Variants in ABL2 observed in about 807,000 individuals in gnomAD.
ABL2 encodes the protein ABL proto-oncogene 2, non-receptor tyrosine kinase.
Under a neutral mutation model 107.7 loss-of-function variants are expected in ABL2, and 49 were observed. That is an observed-to-expected ratio of 0.45 (90% confidence interval 0.36 to 0.58). ABL2 has a LOEUF of 0.58. Ranked by LOEUF, ABL2 falls within the 20% of genes least tolerant of loss-of-function variation. ABL2 has a pLI of 0.00. For missense variants in ABL2, 1,245 were observed against 1,457.0 expected, an observed-to-expected ratio of 0.85 and a Z score of 2.37; for synonymous variants, 549 against 548.6, an observed-to-expected ratio of 1.00 and a Z score of -0.01.
At chr1:179,140,279 G>T (rs1258614461) in intron 1 of ABL2, among the ~76,000 whole-genome samples, 2 of 152,012 alleles carry the variant, frequency 1.3e-5, no homozygotes, top group African/African-American at 2.4e-5. Flanking sequence ...GGACCTTTGC[G>T]CTGGCTTTTC....
At chr1:179,200,164 A>C (rs777820638) in intron 1 of ABL2, among the ~76,000 whole-genome samples, 9 of 150,116 alleles carry the variant, frequency 6.0e-5, no homozygotes, top group Non-Finnish European at 1.2e-4. Flanking sequence ...CTCGTGCTTC[A>C]GCCTCCTGAG....
chr1:179,184,383 A>G, intron 1 of ABL2: 1 of 852,416 alleles, frequency 1.2e-6, no homozygotes, highest in Non-Finnish European at 1.8e-6. Flanking sequence ...GAAACATTCA[A>G]GTCAAACACA....
At position 179,126,696 on chromosome 1, in the gene ABL2, T is replaced by A; in HGVS notation, c.392-24A>T. 6.3e-7 allele frequency: 1 copy of A among 1,588,454 alleles called. No homozygotes were observed. Among genetic ancestry groups the A allele is most frequent in the Non-Finnish European group, 8.6e-7 (1 of 1,161,840 alleles). On this transcript the variant is annotated intron_variant, in intron 3 of 11. Transcript: ENST00000502732. The surrounding 1 kb of genome is among the most constrained non-coding windows in gnomAD (Gnocchi z 4.4). The stretch of plus-strand genomic sequence containing the variant: ...ACCTAGCCATAAGGTCATCACAGGA[T>A]GAAAGAAACGATGTTAAGACTTTAT...
chr1:179,222,494 G>A lies in ABL2; in HGVS notation c.157+6747C>T, dbSNP rs150924881. Among the ~76,000 whole-genome samples, 1,200 of 152,146 alleles carry A rather than the reference G, an allele frequency of 7.9e-3. 13 individuals are homozygous for A. Among genetic ancestry groups the A allele is most frequent in the African/African-American group, 0.028 (1,145 of 41,492 alleles). ...CAACCTCTGCCTCCCAGGATCAAGCGATTCTCCTGCCTCAGCCTCTTGAGT... is the reference window on the plus strand; with the variant it reads ...CAACCTCTGCCTCCCAGGATCAAGCAATTCTCCTGCCTCAGCCTCTTGAGT... On this transcript the variant is annotated intron_variant, in intron 1 of 11. Coordinates refer to ENST00000502732, the MANE Select transcript of ABL2 (RefSeq NM_007314.4).
chr1:179,124,694 C>A (rs1655577456), intron 4 of ABL2, among the ~76,000 whole-genome samples: 1 of 151,942 alleles, frequency 6.6e-6, no homozygotes, highest in African/African-American at 2.4e-5. Flanking sequence ...ACATCCTGAC[C>A]TCCAGTGATG....
chr1:179,229,051 G>C (rs1234206611), intron 1 of ABL2, among the ~76,000 whole-genome samples, 190 bp downstream of exon 1: 1 of 152,050 alleles, frequency 6.6e-6, no homozygotes, highest in Non-Finnish European at 1.5e-5. Flanking sequence ...CTGCCAGCCA[G>C]GCTAGAGACG....
At chr1:179,156,721 T>C (rs1172027608) in intron 1 of ABL2, among the ~76,000 whole-genome samples, 3 of 151,846 alleles carry the variant, frequency 2.0e-5, no homozygotes, top group Non-Finnish European at 4.4e-5. Context: ...ATTAAAAACA[T>C]ACAAAAAATT....
intron 1 of ABL2, among the ~76,000 whole-genome samples, chr1:179,202,701 T>C (rs906913716): frequency 1.3e-5 from 2 of 152,198 alleles, no homozygotes; most frequent in African/African-American, 2.4e-5. Flanking sequence ...TGTCCTGTCC[T>C]CATGTAAACT....
intron 1 of ABL2, among the ~76,000 whole-genome samples, 179 bp from the exon 2 acceptor site, chr1:179,133,553 T>C (rs1326507315): frequency 2.0e-5 from 3 of 152,214 alleles, no homozygotes; most frequent in Non-Finnish European, 4.4e-5. Context: ...ATATACACCA[T>C]GCTGCTTCCC....
rs1361124708 is a variant in ABL2, at chr1:179,113,407, G to C, written c.1562-1009C>G. Among the ~76,000 whole-genome samples, 7 of 152,272 alleles carry C rather than the reference G, an allele frequency of 4.6e-5. No homozygotes were observed. The East Asian group carries it at 1.3e-3, about 29-fold the overall frequency. ...ACTGTATACATTCAGAAATATAAAA[G>C]GATATCAAAAAGGAGGATCTCAGAG... On this transcript the variant is annotated intron_variant, in intron 9 of 11. Transcript: ENST00000502732.
rs71108091 is a variant in ABL2 at position 179,101,377 on chromosome 1, C to CTTTTTTTTTTTTT, written c.*6328_*6340dup. The CTTTTTTTTTTTTT allele has an allele frequency of 6.0e-6, 1 of 166,924 alleles. No homozygotes were observed. The highest frequency in any genetic ancestry group is 1.3e-5 in the Non-Finnish European group (1 of 79,774). The allele number at this position is 166,924 out of a possible 1,614,324, so 10.3% of individuals were successfully genotyped here. A position where few individuals can be genotyped will look rare whatever the true frequency, so the allele number is the denominator to read the frequency against. ...ATATTGAGTCAGAAATGAAGGTATC[C>CTTTTTTTTTTTTT]TTTTTTTTTTTTTTCTTCTTAACGT... On this transcript the variant is annotated 3_prime_UTR_variant, in exon 12 of 12. Coordinates refer to ENST00000502732, the MANE Select transcript of ABL2 (RefSeq NM_007314.4).
chr1:179,229,632 A>ACGCCGC lies in ABL2; in HGVS notation c.-241_-236dup, dbSNP rs3046363. 0.23 allele frequency: 103,534 copies of ACGCCGC among 449,386 alleles called. 12,203 individuals carry two copies. Among genetic ancestry groups the ACGCCGC allele is most frequent in the Admixed American group, 0.3 (6,536 of 21,550 alleles). 27.8% of individuals were successfully genotyped at this position (449,386 alleles called of 1,614,324 possible). ...CTCCTGTCGCGGCTCCGCGCCCCCAACGCCGCCGCCGCCGCCGCCGCCACC... is the reference window on the plus strand; with the variant it reads ...CTCCTGTCGCGGCTCCGCGCCCCCAACGCCGCCGCCGCCGCCGCCGCCGCCGCCACC... On this transcript the variant is annotated 5_prime_UTR_variant, in exon 1 of 12. Coordinates refer to ENST00000502732, the MANE Select transcript of ABL2 (RefSeq NM_007314.4).
chr1:179,202,492 C>T (rs1661729125), intron 1 of ABL2, among the ~76,000 whole-genome samples: 1 of 152,176 alleles, frequency 6.6e-6, no homozygotes, highest in South Asian at 2.1e-4. Context: ...ATTAACATCA[C>T]AAGAATATTT....
chr1:179,149,240 G>C (rs1023070616), intron 1 of ABL2, among the ~76,000 whole-genome samples: 2 of 152,220 alleles, frequency 1.3e-5, no homozygotes, highest in African/African-American at 4.8e-5. Context: ...TTAAACCAAA[G>C]CCTAATCCAG....
In ABL2 at chr1:179,108,534, C is replaced by A. The variant is rs569106848; in HGVS notation, c.2733G>T (p.Pro911=). ...CAGCCTTGGCTGGAGAAGGCCAGCC[C>A]GGCTGCTCTCCATCCTCTGGAACTC... The part of the protein sequence containing the change: ...MAGVPEDGEQ[P]GWPSPAKAAP... Residue 911 remains proline (P), a synonymous_variant, in exon 12 of 12, where the codon CCG becomes CCT. Coordinates refer to ENST00000502732, the MANE Select transcript of ABL2 (RefSeq NM_007314.4). The A allele has an allele frequency of 6.2e-7, 1 of 1,614,146 alleles. No individual in the cohort carries two copies. The highest frequency in any genetic ancestry group is 1.7e-5 in the Admixed American group (1 of 60,024).
chr1:179,114,839 G>C, intron 9 of ABL2, 39 bp downstream of exon 9: 1 of 1,567,118 alleles, frequency 6.4e-7, no homozygotes, highest in Middle Eastern at 1.7e-4. Flanking sequence ...TGAACTGCTA[G>C]CTTATGCCTT....
Position 179,229,567 on chromosome 1 carries a change from G to C in ABL2, c.-170C>G, listed in dbSNP as rs1663439284. On this transcript the variant is annotated 5_prime_UTR_variant, in exon 1 of 12. Transcript: ENST00000502732. The stretch of plus-strand genomic sequence containing the variant: ...ACCCGGCCTCCTCACGGCAGCCGCC[G>C]CGCTGCCTCCAGGCGACTCACAGAT... The C allele has an allele frequency of 3.2e-6, 2 of 622,194 alleles. No homozygotes were observed. Among genetic ancestry groups the C allele is most frequent in the East Asian group, 3.4e-5 (1 of 29,218 alleles). The allele number at this position is 622,194 out of a possible 1,614,324, so 38.5% of individuals were successfully genotyped here. A position where few individuals can be genotyped will look rare whatever the true frequency, so the allele number is the denominator to read the frequency against.
At chr1:179,222,352 C>T (rs1458589422) in intron 1 of ABL2, among the ~76,000 whole-genome samples, 2 of 152,128 alleles carry the variant, frequency 1.3e-5, no homozygotes, top group Non-Finnish European at 2.9e-5. Flanking sequence ...GCCTCAGCCT[C>T]CTGAGTAGCT....
Position 179,193,963 on chromosome 1 carries a change from T to C in ABL2, c.157+35278A>G, listed in dbSNP as rs146456724. On this transcript the variant is annotated intron_variant, in intron 1 of 11. Coordinates refer to ENST00000502732, the MANE Select transcript of ABL2 (RefSeq NM_007314.4). ...TTGTTAGCCAGGATGGTCTCGATCC[T>C]GGCCAAATTTTTAAGTGATAGCAAC... Among the ~76,000 whole-genome samples the C allele has an allele frequency of 4.9e-3, 750 of 152,192 alleles. 9 individuals are homozygous for C. The highest frequency in any genetic ancestry group is 0.017 in the African/African-American group (714 of 41,530).
Sources: allele counts gnomAD v4.1 joint callset (sites outside exome capture counted in the v4.1 genomes callset), GRCh38; gene constraint gnomAD v4.1.1; non-coding constraint Gnocchi (gnomAD v3.1); transcripts MANE v1.5; gene names NCBI Gene and HGNC (gene_info 2026-07-23, HGNC 2026-07-21).